The following AGBL1 variants were observed in gnomAD, a reference collection of about 807,000 sequenced individuals.
AGBL1 encodes the protein AGBL carboxypeptidase 1.
AGBL1 carries 130 observed loss-of-function variants against 118.9 expected under a neutral mutation model. The observed-to-expected ratio is 1.09, with a 90% CI of 0.95 to 1.26. AGBL1 has a LOEUF of 1.26. Ranked by LOEUF, AGBL1 falls within the 50% of genes most tolerant of loss-of-function variation. The pLI is 0.00. For synonymous variants in AGBL1, 555 were observed against 478.9 expected (o/e 1.16, Z -2.08); for missense variants, 1,584 against 1,298.1 (o/e 1.22, Z -3.38).
chr15:86,941,091 C>T (rs1311706295), intron 23 of AGBL1, among the ~76,000 whole-genome samples: 2 of 152,156 alleles, frequency 1.3e-5, no homozygotes, highest in African/African-American at 2.4e-5. Flanking sequence ...TGGTCCTATG[C>T]GTGCTGTGAT....
intron 21 of AGBL1, among the ~76,000 whole-genome samples, chr15:86,590,065 A>C (rs2084311142): frequency 6.6e-6 from 1 of 152,222 alleles, no homozygotes; most frequent in South Asian, 2.1e-4. Flanking sequence ...CTGTGTGCAC[A>C]GGGAGAACCA....
chr15:86,098,455 T>G (rs1896516437), intron 1 of AGBL1, among the ~76,000 whole-genome samples: 1 of 152,156 alleles, frequency 6.6e-6, no homozygotes, highest in Non-Finnish European at 1.5e-5. Flanking sequence ...GGTCTTATGT[T>G]TAAGTCTTTA....
At chr15:86,874,925 T>C (rs952651331) in intron 22 of AGBL1, among the ~76,000 whole-genome samples, 3 of 152,070 alleles carry the variant, frequency 2.0e-5, no homozygotes, top group African/African-American at 7.2e-5. Flanking sequence ...TCTCCCGGCA[T>C]GACCTCCAAC....
intron 18 of AGBL1, among the ~76,000 whole-genome samples, chr15:86,422,694 C>G (rs2081808565): frequency 6.6e-6 from 1 of 151,992 alleles, no homozygotes; most frequent in African/African-American, 2.4e-5. Flanking sequence ...AGATAGACCA[C>G]TAGCCAGACT....
At chr15:86,633,932 CA>C (rs2085033468) in intron 21 of AGBL1, among the ~76,000 whole-genome samples, 1 of 149,326 alleles carries the variant, frequency 6.7e-6, no homozygotes, top group African/African-American at 2.5e-5. Context: ...ATCCACCACA[CA>C]TAAAGTGAGG....
chr15:86,980,784 T>C (rs373039297), intron 23 of AGBL1, among the ~76,000 whole-genome samples: 1 of 148,956 alleles, frequency 6.7e-6, no homozygotes, highest in East Asian at 1.9e-4. Flanking sequence ...AAATTATATA[T>C]TATTTTAAAA....
At chr15:86,847,479 C>T (rs1197723490) in intron 22 of AGBL1, among the ~76,000 whole-genome samples, 1 of 152,144 alleles carries the variant, frequency 6.6e-6, no homozygotes, top group Non-Finnish European at 1.5e-5. Context: ...TCATCTGTTT[C>T]CCCTTCATAG....
At chr15:86,939,055 T>C (rs949508747) in intron 23 of AGBL1, 11 of 152,278 alleles carry the variant, frequency 7.2e-5, no homozygotes, top group African/African-American at 2.7e-4. Flanking sequence ...ACTTCTGAAA[T>C]TGTTACACAT....
At chr15:86,771,900 G>C (rs2078187696) in intron 22 of AGBL1, among the ~76,000 whole-genome samples, 1 of 152,002 alleles carries the variant, frequency 6.6e-6, no homozygotes, top group Non-Finnish European at 1.5e-5. Flanking sequence ...GGCAGGCAGA[G>C]TCATTAAGGG....
At chr15:87,013,769 C>G (rs2081584307) in intron 24 of AGBL1, among the ~76,000 whole-genome samples, 1 of 150,902 alleles carries the variant, frequency 6.6e-6, no homozygotes. Context: ...AAGAAGTTCA[C>G]TCAATGAGAC....
chr15:86,442,093 T>A (rs752460224), intron 18 of AGBL1, among the ~76,000 whole-genome samples: 19 of 152,186 alleles, frequency 1.2e-4, no homozygotes, highest in Admixed American at 5.2e-4. Context: ...CAAAGCATGG[T>A]TCGAGACAAC....
At chr15:86,284,643 T>C (rs1276523657) in intron 16 of AGBL1, among the ~76,000 whole-genome samples, 1 of 152,110 alleles carries the variant, frequency 6.6e-6, no homozygotes, top group Admixed American at 6.5e-5. Context: ...TCCTTAGGAG[T>C]GGGCTTTCTT....
intron 18 of AGBL1, among the ~76,000 whole-genome samples, chr15:86,450,397 C>T (rs1407726047): frequency 6.6e-6 from 1 of 152,172 alleles, no homozygotes; most frequent in East Asian, 1.9e-4. Context: ...GTCGGATGTA[C>T]AGTCAGCGGT....
rs954517894 is a variant in AGBL1 at position 86,911,039 on chromosome 15, A to G, written c.*3745A>G. ...CACTTCAGTGAATTGTTGGGATAAAACGTGTTCTACCAAATTCAAAGCCAA... is the reference window on the plus strand; with the variant it reads ...CACTTCAGTGAATTGTTGGGATAAAGCGTGTTCTACCAAATTCAAAGCCAA... On this transcript the variant is annotated 3_prime_UTR_variant, in exon 23 of 23. Transcript: ENST00000614907. 2 of 152,262 alleles carry G rather than the reference A, an allele frequency of 1.3e-5. No homozygotes were observed. Among genetic ancestry groups the G allele is most frequent in the Non-Finnish European group, 2.9e-5 (2 of 68,090 alleles). 9.4% of individuals were successfully genotyped at this position (152,262 alleles called of 1,614,324 possible). A position where few individuals can be genotyped will look rare whatever the true frequency, so the allele number is the denominator to read the frequency against.
intron 23 of AGBL1, among the ~76,000 whole-genome samples, chr15:86,986,530 C>T (rs1326617963): frequency 7.5e-6 from 1 of 134,090 alleles, no homozygotes; most frequent in Non-Finnish European, 1.6e-5. Flanking sequence ...TTATCCATTT[C>T]TACAAAAATA....
intron 22 of AGBL1, among the ~76,000 whole-genome samples, chr15:86,774,335 A>G (rs1596469554): frequency 6.6e-6 from 1 of 152,158 alleles, no homozygotes. Flanking sequence ...ATGATTTCAA[A>G]TAAGAATATT....
chr15:86,261,017 G>C (rs184910042), intron 9 of AGBL1, among the ~76,000 whole-genome samples: 1 of 152,200 alleles, frequency 6.6e-6, no homozygotes, highest in Non-Finnish European at 1.5e-5. Flanking sequence ...AAACTTTGCT[G>C]TTGCACTGAG....
intron 3 of AGBL1, among the ~76,000 whole-genome samples, chr15:86,146,670 A>G (rs1485531513): frequency 6.6e-6 from 1 of 152,210 alleles, no homozygotes; most frequent in Non-Finnish European, 1.5e-5. Context: ...TATTGTAGTG[A>G]TTACATCACC....
intron 20 of AGBL1, among the ~76,000 whole-genome samples, chr15:86,550,254 A>G (rs2083646349): frequency 6.6e-6 from 1 of 152,172 alleles, no homozygotes; most frequent in Non-Finnish European, 1.5e-5. Context: ...GAATCAAACA[A>G]CAAAATGGCA....
Sources: allele counts gnomAD v4.1 joint callset (sites outside exome capture counted in the v4.1 genomes callset), GRCh38; gene constraint gnomAD v4.1.1; transcripts MANE v1.5; gene names NCBI Gene and HGNC (gene_info 2026-07-23, HGNC 2026-07-21).